Variants in BICRA observed in about 807,000 individuals in gnomAD.
BICRA encodes the protein BRD4-interacting chromatin-remodeling complex-associated protein.
Under a neutral mutation model 96.9 loss-of-function variants are expected in BICRA, and 31 were observed. The observed-to-expected ratio is 0.32, with a 90% CI of 0.24 to 0.43. The LOEUF is 0.43. BICRA is among the 20% of genes least tolerant of loss of function. The probability of loss-of-function intolerance (pLI) is 1.00; values close to 1 mark genes in which losing one functional copy is unlikely to be tolerated. For missense variants in BICRA, 2,283 were observed against 2,190.3 expected (o/e 1.04, Z -0.84); for synonymous variants, 1,350 against 1,071.8 (o/e 1.26, Z -5.07).
intron 1 of BICRA, among the ~76,000 whole-genome samples, chr19:47,640,130 A>G (rs1249098734): frequency 2.6e-5 from 4 of 152,214 alleles, no homozygotes; most frequent in Admixed American, 6.5e-5. Flanking sequence ...ACATCCAAAA[A>G]TGAGAGTAAC....
chr19:47,695,513 G>T, intron 10 of BICRA, 39 bp downstream of exon 10: 1 of 947,530 alleles, frequency 1.1e-6, no homozygotes, highest in South Asian at 1.4e-5. Context: ...ACAGGACCAG[G>T]AGTCTTCGGG....
At chr19:47,691,106 T>C (rs1193247782) in intron 7 of BICRA, among the ~76,000 whole-genome samples, 1 of 152,212 alleles carries the variant, frequency 6.6e-6, no homozygotes, top group Non-Finnish European at 1.5e-5. Flanking sequence ...TCCCATGAAG[T>C]TGTGGTCATC....
At chr19:47,684,550 C>A (rs951218481) in intron 7 of BICRA, among the ~76,000 whole-genome samples, 8 of 152,140 alleles carry the variant, frequency 5.3e-5, no homozygotes, top group African/African-American at 1.7e-4. Context: ...AAACTCCTGA[C>A]CTCAGGTGAT....
rs900227900 is a variant in BICRA at position 47,675,113 on chromosome 19, G to C, written c.85-738G>C. On this transcript the variant is annotated intron_variant, in intron 4 of 14. Coordinates refer to ENST00000594866, the MANE Select transcript of BICRA (RefSeq NM_001394372.1). This position sits in a 1 kb window ranked among gnomAD's most constrained non-coding sequence, Gnocchi z 4.7. Reference sequence around the variant, plus strand: ...ACTTGCTGGTGGACTCGATGTTGAGGGGGAGAGAGTGTCCACCATGGCTCC... The same window carrying C: ...ACTTGCTGGTGGACTCGATGTTGAGCGGGAGAGAGTGTCCACCATGGCTCC... 1.3e-5 allele frequency among the ~76,000 whole-genome samples: 2 copies of C among 152,136 alleles called. No individual in the cohort carries two copies. The highest frequency in any genetic ancestry group is 2.9e-5 in the Non-Finnish European group (2 of 68,030).
chr19:47,623,846 C>CTTTT (rs58458331), intron 1 of BICRA, among the ~76,000 whole-genome samples: 1 of 139,470 alleles, frequency 7.2e-6, no homozygotes, highest in Non-Finnish European at 1.6e-5. Context: ...CTCTCTCTCT[C>CTTTT]TTTTTTTTTT....
chr19:47,669,822 A>T (rs1283428017), intron 1 of BICRA, among the ~76,000 whole-genome samples: 4 of 151,086 alleles, frequency 2.6e-5, no homozygotes, highest in African/African-American at 7.3e-5. Context: ...ACGCCCGGCT[A>T]ATTTTTTGTA....
At chr19:47,639,883 A>G (rs1035932876) in intron 1 of BICRA, among the ~76,000 whole-genome samples, 1 of 145,920 alleles carries the variant, frequency 6.9e-6, no homozygotes, top group African/African-American at 2.6e-5. Flanking sequence ...GTCTCAGGCA[A>G]CCCTCCCACC....
chr19:47,680,227 C>T lies in BICRA; in HGVS notation c.1057C>T (p.Pro353Ser). Residue 353 changes from proline (P) to serine (S), a missense_variant, in exon 6 of 15, where the codon CCC (proline) becomes TCC (serine). Coordinates refer to ENST00000594866, the MANE Select transcript of BICRA (RefSeq NM_001394372.1). ...ILHRTPTPIQ[P>S]KPAGVLPPKL... The stretch of plus-strand genomic sequence containing the variant: ...GCATCGCACACCCACGCCCATCCAG[C>T]CCAAGCCCGCGGGGGTGCTGCCGCC... 1 of 1,560,282 alleles carries T rather than the reference C, an allele frequency of 6.4e-7. No individual in the cohort carries two copies. The highest frequency in any genetic ancestry group is 8.6e-7 in the Non-Finnish European group (1 of 1,161,924).
At chr19:47,641,628 C>T (rs1052492783) in intron 1 of BICRA, among the ~76,000 whole-genome samples, 1 of 152,022 alleles carries the variant, frequency 6.6e-6, no homozygotes, top group African/African-American at 2.4e-5. Flanking sequence ...GACAGACCGA[C>T]ACCCCATTTC....
At chr19:47,617,166 A>G (rs1971997921) in intron 1 of BICRA, among the ~76,000 whole-genome samples, 2 of 152,068 alleles carry the variant, frequency 1.3e-5, no homozygotes, top group Admixed American at 1.3e-4. Context: ...TATAGAGACA[A>G]GGTCTTGCTA....
At chr19:47,683,584 A>G (rs994136299) in intron 7 of BICRA, among the ~76,000 whole-genome samples, 12 of 134,058 alleles carry the variant, frequency 9.0e-5, no homozygotes, top group Non-Finnish European at 1.7e-4. Context: ...AGGGAGGGCT[A>G]CGTTCTTTTT....
At chr19:47,640,560 C>G (rs946675415) in intron 1 of BICRA, among the ~76,000 whole-genome samples, 3 of 150,940 alleles carry the variant, frequency 2.0e-5, no homozygotes, top group African/African-American at 7.3e-5. Flanking sequence ...ATCCCTGCCT[C>G]TGGGGAGCTG....
chr19:47,688,531 C>T (rs1973192580), intron 7 of BICRA, among the ~76,000 whole-genome samples: 1 of 152,138 alleles, frequency 6.6e-6, no homozygotes. Flanking sequence ...TGGCTCATGC[C>T]TGTAATCCCA....
intron 1 of BICRA, among the ~76,000 whole-genome samples, chr19:47,642,168 T>C (rs115516701): frequency 3.1e-3 from 474 of 152,386 alleles, no homozygotes; most frequent in African/African-American, 0.011. Context: ...ATCTATGTTA[T>C]GTGTACCAGT....
chr19:47,699,259 C>A lies in BICRA; in HGVS notation c.3493-44C>A. 8.4e-7 allele frequency: 1 copy of A among 1,185,418 alleles called. No homozygotes were observed. The highest frequency in any genetic ancestry group is 1.2e-6 in the Non-Finnish European group (1 of 812,516). 73.4% of individuals were successfully genotyped at this position (1,185,418 alleles called of 1,614,324 possible). A position where few individuals can be genotyped will look rare whatever the true frequency, so the allele number is the denominator to read the frequency against. On this transcript the variant is annotated intron_variant, in intron 13 of 14. Transcript: ENST00000594866. The surrounding 1 kb of genome is among the most constrained non-coding windows in gnomAD (Gnocchi z 5.0). Reference sequence around the variant, plus strand: ...TCCCCGTCGCTCGCGCCCCTTCCCCCTTCTTGCTGGTTCACTCGCACGTCG... The same window carrying A: ...TCCCCGTCGCTCGCGCCCCTTCCCCATTCTTGCTGGTTCACTCGCACGTCG...
At chr19:47,608,618 T>C (rs1478653438), upstream of BICRA, among the ~76,000 whole-genome samples, 3 of 151,894 alleles carry the variant, frequency 2.0e-5, no homozygotes, top group Admixed American at 6.5e-5. Flanking sequence ...CTCGAGGCAG[T>C]CGACAAACTA....
At chr19:47,681,711 A>C (rs1484023017) in intron 6 of BICRA, among the ~76,000 whole-genome samples, 1 of 152,074 alleles carries the variant, frequency 6.6e-6, no homozygotes, top group African/African-American at 2.4e-5. Flanking sequence ...TCAGAGAGAA[A>C]GTGGACGAGA....
intron 1 of BICRA, among the ~76,000 whole-genome samples, chr19:47,609,626 G>A (rs1971866424): frequency 6.6e-6 from 1 of 151,238 alleles, no homozygotes; most frequent in Admixed American, 6.6e-5. Flanking sequence ...CCCCGTCCCG[G>A]CCCCCTCCCC....
At chr19:47,658,483 T>C (rs1434395364) in intron 1 of BICRA, among the ~76,000 whole-genome samples, 1 of 151,858 alleles carries the variant, frequency 6.6e-6, no homozygotes, top group African/African-American at 2.4e-5. Context: ...AGGTCAGGAG[T>C]TCGCCAGGCG....
Sources: allele counts gnomAD v4.1 joint callset (sites outside exome capture counted in the v4.1 genomes callset), GRCh38; gene constraint gnomAD v4.1.1; non-coding constraint Gnocchi (gnomAD v3.1); transcripts MANE v1.5; gene names NCBI Gene and HGNC (gene_info 2026-07-23, HGNC 2026-07-21).